SKAP1: variants seen among roughly 807,000 people sequenced by gnomAD.
SKAP1 encodes src kinase associated phosphoprotein 1, also known as src kinase-associated phosphoprotein 1.
A neutral mutation model predicts 58.5 loss-of-function variants in SKAP1; 44 were observed. The ratio of observed to expected loss-of-function variants is 0.75; its 90% confidence interval spans 0.59 to 0.97. The LOEUF (loss-of-function observed/expected upper bound fraction) is 0.97, where lower values mean the gene tolerates loss of function less well. Ranked by LOEUF, SKAP1 falls within the 50% of genes least tolerant of loss-of-function variation. The pLI is 0.00. For synonymous variants in SKAP1, 127 were observed against 149.7 expected (o/e 0.85, Z 1.11); for missense variants, 390 against 435.2 (o/e 0.90, Z 0.92).
At chr17:48,313,895 T>A (rs1232542200) in intron 4 of SKAP1, among the ~76,000 whole-genome samples, 1 of 152,084 alleles carries the variant, frequency 6.6e-6, no homozygotes, top group East Asian at 1.9e-4. Flanking sequence ...CTAAGTTTGG[T>A]ACAACAAATC....
chr17:48,238,138 C>T (rs925635232), intron 4 of SKAP1, among the ~76,000 whole-genome samples: 7 of 151,816 alleles, frequency 4.6e-5, no homozygotes, highest in Non-Finnish European at 1.0e-4. Flanking sequence ...GGATTACAGG[C>T]GCATGCCACC....
At chr17:48,159,962 G>C (rs1047956294) in intron 11 of SKAP1, among the ~76,000 whole-genome samples, 3 of 152,134 alleles carry the variant, frequency 2.0e-5, no homozygotes, top group Non-Finnish European at 4.4e-5. Flanking sequence ...GGGGAAGGGA[G>C]CCAGCTGGTG....
upstream of SKAP1, among the ~76,000 whole-genome samples, chr17:48,432,354 G>C (rs1028508266): frequency 3.3e-5 from 5 of 152,030 alleles, no homozygotes; most frequent in South Asian, 8.3e-4. Flanking sequence ...ACATGAACCC[G>C]GGGGGCGGAG....
At chr17:48,247,114 A>C (rs1167513939) in intron 4 of SKAP1, among the ~76,000 whole-genome samples, 1 of 152,178 alleles carries the variant, frequency 6.6e-6, no homozygotes, top group Non-Finnish European at 1.5e-5. Flanking sequence ...CACTATACCT[A>C]ATACATATAC....
At chr17:48,381,169 C>T (rs78798301) in intron 2 of SKAP1, among the ~76,000 whole-genome samples, 2,896 of 152,308 alleles carry the variant, frequency 0.019, 47 homozygotes, top group Middle Eastern at 0.041. Context: ...GCCAAAGACC[C>T]AAATGTTATC....
chr17:48,235,242 G>C (rs987568692), intron 4 of SKAP1, among the ~76,000 whole-genome samples: 4 of 151,202 alleles, frequency 2.6e-5, no homozygotes, highest in African/African-American at 9.7e-5. Flanking sequence ...AAAGGGACCT[G>C]AAGATAGGGA....
intron 10 of SKAP1, among the ~76,000 whole-genome samples, chr17:48,162,912 CA>C (rs2064088691): frequency 6.6e-6 from 1 of 152,174 alleles, no homozygotes. Context: ...TTTCCTGATC[CA>C]GGGCAACTAA....
intron 2 of SKAP1, among the ~76,000 whole-genome samples, chr17:48,389,234 T>C (rs1223335015): frequency 6.6e-6 from 1 of 152,216 alleles, no homozygotes; most frequent in Non-Finnish European, 1.5e-5. Context: ...TAAACTCTAT[T>C]AATTGTCTGA....
At chr17:48,396,898 G>A (rs980845203) in intron 1 of SKAP1, 113 bp from the exon 2 acceptor site, 3 of 652,398 alleles carry the variant, frequency 4.6e-6, no homozygotes, top group East Asian at 2.9e-5. Context: ...TGCACAATGT[G>A]CACATGTACC....
At chr17:48,215,660 T>A (rs7220398) in intron 4 of SKAP1, among the ~76,000 whole-genome samples, 24,381 of 144,234 alleles carry the variant, frequency 0.17, 2,657 homozygotes, top group African/African-American at 0.35. Flanking sequence ...TTAACAGAAA[T>A]TTTTTTTTTT....
At chr17:48,334,658 T>C (rs984586232) in intron 4 of SKAP1, among the ~76,000 whole-genome samples, 2 of 151,868 alleles carry the variant, frequency 1.3e-5, no homozygotes, top group Non-Finnish European at 3.0e-5. Context: ...TAAGATTGCC[T>C]AACCTGATTA....
rs563045928 is a variant in SKAP1 at position 48,344,067 on chromosome 17, T to C, written c.280+1838A>G. Among the ~76,000 whole-genome samples the C allele has an allele frequency of 4.6e-5, 7 of 152,180 alleles. No individual in the cohort carries two copies. The South Asian group carries it at 1.2e-3, about 27-fold the overall frequency. On this transcript the variant is annotated intron_variant, in intron 4 of 12. Coordinates refer to ENST00000336915, the MANE Select transcript of SKAP1 (RefSeq NM_003726.4). ...CAGATGATGCAAGGCAAATAGTAAG[T>C]GCTCAATAAACAATAAATGCTGGCT...
intron 4 of SKAP1, among the ~76,000 whole-genome samples, chr17:48,336,320 C>T (rs1382539679): frequency 6.6e-6 from 1 of 152,044 alleles, no homozygotes; most frequent in African/African-American, 2.4e-5. Flanking sequence ...CTTGAGCACT[C>T]CCCTCCCCAT....
intron 12 of SKAP1, among the ~76,000 whole-genome samples, chr17:48,135,461 C>T (rs186823219): frequency 2.2e-4 from 33 of 152,272 alleles, no homozygotes; most frequent in East Asian, 1.3e-3. Context: ...GTGGTTCTTG[C>T]TAATACAACA....
chr17:48,430,734 T>A (rs1009676020), upstream of SKAP1, among the ~76,000 whole-genome samples: 1 of 152,202 alleles, frequency 6.6e-6, no homozygotes, highest in African/African-American at 2.4e-5. Flanking sequence ...TTTGGGAGAA[T>A]CGCGGCAGCG....
chr17:48,389,936 T>C (rs1377177457), intron 2 of SKAP1, among the ~76,000 whole-genome samples: 2 of 152,208 alleles, frequency 1.3e-5, no homozygotes, highest in Non-Finnish European at 2.9e-5. Context: ...GTTGGTAATG[T>C]GTGCATTTTT....
chr17:48,402,783 A>G (rs2067516334), intron 1 of SKAP1, among the ~76,000 whole-genome samples: 1 of 152,242 alleles, frequency 6.6e-6, no homozygotes, highest in African/African-American at 2.4e-5. Context: ...ATGAATCTTT[A>G]AAATCATTAT....
At position 48,350,468 on chromosome 17, in the gene SKAP1, G is replaced by T. The variant is rs549949370; in HGVS notation, c.179-4462C>A. 3.9e-5 allele frequency among the ~76,000 whole-genome samples: 6 copies of T among 152,330 alleles called. No individual in the cohort carries two copies. The East Asian group carries it at 7.7e-4, about 20-fold the overall frequency. On this transcript the variant is annotated intron_variant, in intron 3 of 12. Transcript: ENST00000336915. ...CCCAGCACTTTGGGAGGCCGAGGCA[G>T]GCAGATCACCTGAGTTTCGGGTTTG...
chr17:48,273,422 G>T (rs2065658708), intron 4 of SKAP1, among the ~76,000 whole-genome samples: 1 of 145,874 alleles, frequency 6.9e-6, no homozygotes. Context: ...TTTTATCACT[G>T]TTTTTTTTTT....
Sources: gnomAD v4.1 joint callset for allele counts (sites outside exome capture counted in the v4.1 genomes callset) on GRCh38, gnomAD v4.1.1 for gene constraint, MANE v1.5 for transcripts, NCBI Gene and HGNC (gene_info 2026-07-23, HGNC 2026-07-21) for gene names.